The following DYRK1A variants were observed in gnomAD, a reference collection of about 807,000 sequenced individuals.
DYRK1A encodes dual specificity tyrosine phosphorylation regulated kinase 1A.
DYRK1A carries 9 observed loss-of-function variants against 79.7 expected under a neutral mutation model. The ratio of observed to expected loss-of-function variants is 0.11; its 90% CI spans 0.07 to 0.20. The LOEUF (loss-of-function observed/expected upper bound fraction) is 0.20. Among genes scored for constraint, DYRK1A ranks in the 10% least tolerant of loss-of-function variants. DYRK1A has a pLI of 1.00. For synonymous variants in DYRK1A, 349 were observed against 329.7 expected, an observed-to-expected ratio of 1.06 and a Z score of -0.63; for missense variants, 622 against 956.0, an observed-to-expected ratio of 0.65 and a Z score of 4.61.
chr21:37,385,899 G>A (rs1239731688), intron 1 of DYRK1A, among the ~76,000 whole-genome samples: 3 of 152,130 alleles, frequency 2.0e-5, no homozygotes, highest in African/African-American at 7.2e-5. Flanking sequence ...AAATAAGCCT[G>A]GGGAAAATTA....
intron 2 of DYRK1A, among the ~76,000 whole-genome samples, chr21:37,435,157 A>G (rs1315808242): frequency 6.6e-6 from 1 of 152,242 alleles, no homozygotes; most frequent in East Asian, 1.9e-4. Flanking sequence ...AATGTGACAA[A>G]GCTCAATTTC....
At position 37,389,769 on chromosome 21, in the gene DYRK1A, A is replaced by G. The variant is rs372949584; in HGVS notation, c.-77+22141A>G. Among the ~76,000 whole-genome samples the G allele has an allele frequency of 5.9e-5, 9 of 151,950 alleles. No homozygotes were observed. The East Asian group carries it at 9.7e-4, about 16-fold the overall frequency. On this transcript the variant is annotated intron_variant, in intron 1 of 11. Coordinates refer to ENST00000647188, the MANE Select transcript of DYRK1A (RefSeq NM_001347721.2). The stretch of plus-strand genomic sequence containing the variant: ...TGGACCCATGAATATGAGTATCCCT[A>G]AGGTTTTATGGCAGTGCTCTTGGGT...
chr21:37,447,382 TAAAA>T (rs1357111234), intron 2 of DYRK1A, among the ~76,000 whole-genome samples: 1 of 152,094 alleles, frequency 6.6e-6, no homozygotes, highest in Non-Finnish European at 1.5e-5. Context: ...GAACATACAT[TAAAA>T]AAACATAATT....
At chr21:37,439,158 T>C (rs2051015007) in intron 2 of DYRK1A, among the ~76,000 whole-genome samples, 1 of 152,340 alleles carries the variant, frequency 6.6e-6, no homozygotes. Context: ...GTGACCTTGC[T>C]AAAATCACTT....
intron 1 of DYRK1A, among the ~76,000 whole-genome samples, chr21:37,401,070 A>C (rs1304972075): frequency 1.3e-5 from 2 of 152,022 alleles, no homozygotes; most frequent in African/African-American, 4.8e-5. Flanking sequence ...CTTGAAGCCG[A>C]GAGGTGGAGG....
chr21:37,500,968 T>G (rs911365389), intron 9 of DYRK1A, among the ~76,000 whole-genome samples: 21 of 151,520 alleles, frequency 1.4e-4, no homozygotes, highest in Non-Finnish European at 2.5e-4. Context: ...TGATCTAGTT[T>G]CTATTCTGTT....
At chr21:37,404,147 A>G (rs906235295) in intron 1 of DYRK1A, among the ~76,000 whole-genome samples, 1 of 152,204 alleles carries the variant, frequency 6.6e-6, no homozygotes, top group Non-Finnish European at 1.5e-5. Context: ...GCGTGTATAT[A>G]TGTATGTATC....
chr21:37,366,635 G>C (rs1193704243), upstream of DYRK1A, among the ~76,000 whole-genome samples: 1 of 151,770 alleles, frequency 6.6e-6, no homozygotes, highest in Non-Finnish European at 1.5e-5. Context: ...GGGGACAGAG[G>C]GGGAGACGGA....
chr21:37,435,383 G>A (rs2050894573), intron 2 of DYRK1A, among the ~76,000 whole-genome samples: 1 of 152,142 alleles, frequency 6.6e-6, no homozygotes. Context: ...GCATTGTGTT[G>A]CCTGGTGAGA....
intron 1 of DYRK1A, among the ~76,000 whole-genome samples, chr21:37,389,866 A>C (rs1468136179): frequency 6.6e-6 from 1 of 151,428 alleles, no homozygotes; most frequent in Non-Finnish European, 1.5e-5. Flanking sequence ...TGGCATGCAC[A>C]GTTCTGTCTA....
intron 9 of DYRK1A, among the ~76,000 whole-genome samples, chr21:37,500,560 G>A (rs2053411157): frequency 6.6e-6 from 1 of 152,040 alleles, no homozygotes; most frequent in Non-Finnish European, 1.5e-5. Flanking sequence ...CTTTTGTGAT[G>A]TTTAGTAGAG....
chr21:37,474,102 C>G (rs1025125128), intron 3 of DYRK1A, among the ~76,000 whole-genome samples: 2 of 152,296 alleles, frequency 1.3e-5, no homozygotes, highest in South Asian at 4.1e-4. Flanking sequence ...CCATTTGTGA[C>G]TTTTCCGTGT....
In DYRK1A at chr21:37,505,339, A is replaced by G. The variant is rs763249471; in HGVS notation, c.1269A>G (p.Gly423=). Residue 423 remains glycine (G), a synonymous_variant, in exon 10 of 12, where the codon GGA becomes GGG. Transcript: ENST00000647188. ...KLHNILGVET[G]GPGGRRAGES... is the part of the protein sequence containing the mutation. ...ATAACATTCTTGGAGTGGAAACAGG[A>G]GGACCTGGTGGGCGACGTGCTGGGG... 8.7e-6 allele frequency: 14 copies of G among 1,614,088 alleles called. No individual in the cohort carries two copies. The highest frequency in any genetic ancestry group is 6.7e-5 in the African/African-American group (5 of 74,944).
rs144650079 is a variant in DYRK1A at position 37,407,166 on chromosome 21, C to T, written c.-76-13133C>T. 5.3e-5 allele frequency among the ~76,000 whole-genome samples: 8 copies of T among 152,072 alleles called. No homozygotes were observed. The East Asian group carries it at 5.8e-4, about 11-fold the overall frequency. On this transcript the variant is annotated intron_variant, in intron 1 of 11. Transcript: ENST00000647188. ...GAAGTGTTTGGGAGTACAACTGTTTCGGATTTTGAAATATTTGCATATATG... is the reference window on the plus strand; with the variant it reads ...GAAGTGTTTGGGAGTACAACTGTTTTGGATTTTGAAATATTTGCATATATG...
intron 1 of DYRK1A, among the ~76,000 whole-genome samples, chr21:37,389,563 A>T (rs2049830839): frequency 6.6e-6 from 1 of 152,038 alleles, no homozygotes. Flanking sequence ...GCGTTGTCTC[A>T]GTTTCCTCTG....
At chr21:37,443,034 C>G (rs1001654271) in intron 2 of DYRK1A, among the ~76,000 whole-genome samples, 3 of 152,104 alleles carry the variant, frequency 2.0e-5, no homozygotes, top group African/African-American at 7.2e-5. Context: ...AACGAAGTCT[C>G]TTGGTGTTGC....
chr21:37,423,352 C>T (rs1455278558), intron 2 of DYRK1A, among the ~76,000 whole-genome samples: 1 of 152,126 alleles, frequency 6.6e-6, no homozygotes, highest in Non-Finnish European at 1.5e-5. Flanking sequence ...TGAGTGACAC[C>T]ATTCTACCCT....
intron 2 of DYRK1A, among the ~76,000 whole-genome samples, chr21:37,431,567 C>CTG (rs1285431024): frequency 6.6e-6 from 1 of 152,168 alleles, no homozygotes; most frequent in Admixed American, 6.5e-5. Flanking sequence ...CCATTACCTC[C>CTG]TGTGAGCAGG....
Position 37,512,825 on chromosome 21 carries a change from A to G in DYRK1A, c.*294A>G. 1 of 367,266 alleles carries G rather than the reference A, an allele frequency of 2.7e-6. No homozygotes were observed. Among genetic ancestry groups the G allele is most frequent in the South Asian group, 6.4e-5 (1 of 15,604 alleles). The allele number at this position is 367,266 out of a possible 1,614,324, so 22.8% of individuals were successfully genotyped here. ...GTGGGGTTTTTTTGTCTTTCTATTC[A>G]GCAAAAGTTAATATTCAGATGTTGG... is the stretch of plus-strand genomic sequence containing the variant. On this transcript the variant is annotated 3_prime_UTR_variant, in exon 12 of 12. Transcript: ENST00000647188.
Sources: allele counts gnomAD v4.1 joint callset (sites outside exome capture counted in the v4.1 genomes callset), GRCh38; gene constraint gnomAD v4.1.1; transcripts MANE v1.5; gene names NCBI Gene and HGNC (gene_info 2026-07-23, HGNC 2026-07-21).